PPP1R9A: variants seen among roughly 807,000 people sequenced by gnomAD.
PPP1R9A encodes protein phosphatase 1 regulatory subunit 9A, also known as neurabin-1.
A neutral mutation model predicts 141.9 loss-of-function variants in PPP1R9A; 59 were observed. The ratio of observed to expected loss-of-function variants is 0.42; its 90% CI spans 0.34 to 0.52. The LOEUF (loss-of-function observed/expected upper bound fraction) is 0.52, where lower values mean the gene tolerates loss of function less well. Among genes scored for constraint, PPP1R9A ranks in the 20% least tolerant of loss-of-function variants. The pLI is 0.10. For synonymous variants in PPP1R9A, 500 were observed against 569.7 expected (o/e 0.88, Z 1.74); for missense variants, 1,444 against 1,611.9 (o/e 0.90, Z 1.78).
At chr7:94,953,661 A>T (rs892293381) in intron 2 of PPP1R9A, among the ~76,000 whole-genome samples, 1 of 152,032 alleles carries the variant, frequency 6.6e-6, no homozygotes, top group Non-Finnish European at 1.5e-5. Flanking sequence ...GTTCTCCTTG[A>T]AAAGATCCTT....
chr7:95,185,961 C>G (rs1040540926), intron 5 of PPP1R9A, among the ~76,000 whole-genome samples: 2 of 152,024 alleles, frequency 1.3e-5, no homozygotes, highest in East Asian at 3.9e-4. Flanking sequence ...TAATGTGATG[C>G]CTCCAGATTT....
chr7:95,099,827 C>G (rs1213282659), intron 2 of PPP1R9A, among the ~76,000 whole-genome samples: 2 of 152,008 alleles, frequency 1.3e-5, no homozygotes, highest in Admixed American at 6.6e-5. Flanking sequence ...TAAAAAAATA[C>G]TTTTCAAGTA....
rs1303555310 is a variant in PPP1R9A, at chr7:95,251,997, G to A, written c.2532G>A (p.Lys844=). 4.3e-6 allele frequency: 7 copies of A among 1,611,202 alleles called. No individual in the cohort carries two copies. The East Asian group carries it at 1.6e-4, about 36-fold the overall frequency. Reference sequence around the variant, plus strand: ...AAGCTGAGGTATTCAGGCTACTGAAGCAAAATGGGACTCAAGTTAACAATA... The same window carrying A: ...AAGCTGAGGTATTCAGGCTACTGAAACAAAATGGGACTCAAGTTAACAATA... The part of the protein sequence containing the change: ...DLEAEVFRLL[K]QNGTQVNNNN... Residue 844 remains lysine (K), a synonymous_variant, in exon 12 of 20, where the codon AAG becomes AAA. Coordinates refer to ENST00000433360, the MANE Select transcript of PPP1R9A (RefSeq NM_001166160.2).
chr7:94,988,085 C>A (rs916172038), intron 2 of PPP1R9A, among the ~76,000 whole-genome samples: 4 of 151,996 alleles, frequency 2.6e-5, no homozygotes, highest in African/African-American at 9.7e-5. Flanking sequence ...GGGCTAAAGG[C>A]CTAGGAATTT....
chr7:95,084,747 C>G (rs1816373123), intron 2 of PPP1R9A, among the ~76,000 whole-genome samples: 1 of 151,950 alleles, frequency 6.6e-6, no homozygotes, highest in Non-Finnish European at 1.5e-5. Flanking sequence ...CCATAGCCCA[C>G]TTAGTTGTAA....
intron 2 of PPP1R9A, among the ~76,000 whole-genome samples, chr7:95,109,639 A>T (rs10282196): frequency 0.054 from 8,247 of 152,168 alleles, 316 homozygotes; most frequent in African/African-American, 0.098. Flanking sequence ...CTGGGAATTC[A>T]AGACCAGCAT....
chr7:95,116,074 A>T (rs1487638822), intron 3 of PPP1R9A, among the ~76,000 whole-genome samples: 3 of 152,170 alleles, frequency 2.0e-5, no homozygotes, highest in East Asian at 1.9e-4. Context: ...GTATGAAAAG[A>T]TGTCAATTTG....
chr7:94,925,452 G>A (rs10953133), intron 2 of PPP1R9A, among the ~76,000 whole-genome samples: 88,416 of 151,828 alleles, frequency 0.58, 26,141 homozygotes, highest in South Asian at 0.73. Context: ...AAGCTGTTTC[G>A]GGGAGGAAAC....
chr7:95,035,325 T>A (rs1428302229), intron 2 of PPP1R9A, among the ~76,000 whole-genome samples: 1 of 152,202 alleles, frequency 6.6e-6, no homozygotes, highest in African/African-American at 2.4e-5. Flanking sequence ...TATATATTTG[T>A]TAAAATAGAA....
At chr7:95,092,962 G>A (rs940744901) in intron 2 of PPP1R9A, among the ~76,000 whole-genome samples, 21 of 152,202 alleles carry the variant, frequency 1.4e-4, no homozygotes, top group African/African-American at 4.6e-4. Context: ...TGACTTGTAA[G>A]AAGCAAATGG....
chr7:95,228,757 T>A (rs747148606), intron 8 of PPP1R9A, among the ~76,000 whole-genome samples: 19 of 152,212 alleles, frequency 1.2e-4, no homozygotes, highest in African/African-American at 4.3e-4. Context: ...GAACTGGCAT[T>A]TTAAAAATCA....
chr7:95,094,087 G>A (rs1049715484), intron 2 of PPP1R9A, among the ~76,000 whole-genome samples: 4 of 152,134 alleles, frequency 2.6e-5, no homozygotes, highest in African/African-American at 9.7e-5. Context: ...ATCTATAGGA[G>A]AGACCAACAA....
At chr7:95,173,493 G>A (rs779692441) in intron 5 of PPP1R9A, among the ~76,000 whole-genome samples, 10 of 151,838 alleles carry the variant, frequency 6.6e-5, no homozygotes, top group African/African-American at 2.4e-4. Context: ...AGCAAAAAGT[G>A]TAAGAGGAAA....
At chr7:95,257,731 T>C (rs1355339393) in intron 12 of PPP1R9A, among the ~76,000 whole-genome samples, 8 of 152,064 alleles carry the variant, frequency 5.3e-5, no homozygotes, top group African/African-American at 2.4e-5. Flanking sequence ...GTGTTCTCAC[T>C]GTTCAATTCT....
At chr7:95,160,095 A>C (rs1160612564) in intron 4 of PPP1R9A, among the ~76,000 whole-genome samples, 5 of 151,778 alleles carry the variant, frequency 3.3e-5, no homozygotes, top group Non-Finnish European at 7.4e-5. Flanking sequence ...ATATATATAA[A>C]ATATATATAG....
intron 8 of PPP1R9A, among the ~76,000 whole-genome samples, chr7:95,228,098 A>G (rs1010407541): frequency 2.0e-5 from 3 of 152,014 alleles, no homozygotes; most frequent in African/African-American, 7.2e-5. Flanking sequence ...GTGAAGGATC[A>G]TATTGTATTA....
At chr7:94,989,378 A>C (rs1401368455) in intron 2 of PPP1R9A, among the ~76,000 whole-genome samples, 7 of 152,116 alleles carry the variant, frequency 4.6e-5, no homozygotes, top group Non-Finnish European at 8.8e-5. Flanking sequence ...CTAAATTTCC[A>C]AGTGGTCAGC....
At position 94,910,587 on chromosome 7, in the gene PPP1R9A, C is replaced by T; in HGVS notation, c.474C>T (p.Arg158=). ...TGCATGAATCAGGACAGAACAACCG[C>T]TATTCCCCAAAGAAAGAGAAAGCTG... ...RSVHESGQNN[R]YSPKKEKAGG... is the part of the protein sequence containing the mutation. Residue 158 remains arginine (R), a synonymous_variant, in exon 2 of 20, where the codon CGC becomes CGT. Transcript: ENST00000433360. This position sits in a 1 kb window ranked among gnomAD's most constrained non-coding sequence, Gnocchi z 4.5. 6.2e-7 allele frequency: 1 copy of T among 1,614,178 alleles called. No homozygotes were observed. Among genetic ancestry groups the T allele is most frequent in the Non-Finnish European group, 8.5e-7 (1 of 1,180,038 alleles).
chr7:95,202,856 T>G (rs563750481), intron 6 of PPP1R9A, among the ~76,000 whole-genome samples: 2 of 152,238 alleles, frequency 1.3e-5, no homozygotes, highest in East Asian at 3.9e-4. Flanking sequence ...TAGTGCTATA[T>G]TCCATTTTTG....
Sources: gnomAD v4.1 joint callset for allele counts (sites outside exome capture counted in the v4.1 genomes callset) on GRCh38, gnomAD v4.1.1 for gene constraint, Gnocchi (gnomAD v3.1) non-coding constraint, MANE v1.5 for transcripts, NCBI Gene and HGNC (gene_info 2026-07-23, HGNC 2026-07-21) for gene names.